Variants in EVI5 observed in about 807,000 individuals in gnomAD.
EVI5 encodes ecotropic viral integration site 5 protein homolog.
Under a neutral mutation model 112.0 loss-of-function variants are expected in EVI5, and 73 were observed. The ratio of observed to expected loss-of-function variants is 0.65; its 90% CI spans 0.54 to 0.79. EVI5 has a LOEUF of 0.79. Ranked by LOEUF, EVI5 falls within the 30% of genes least tolerant of loss-of-function variation. The pLI is 0.00. For missense variants in EVI5, 900 were observed against 968.8 expected (o/e 0.93, Z 0.94); for synonymous variants, 305 against 319.9 (o/e 0.95, Z 0.50).
chr1:92,527,915 T>C (rs1187321097), intron 19 of EVI5, among the ~76,000 whole-genome samples: 4 of 152,240 alleles, frequency 2.6e-5, no homozygotes, highest in Non-Finnish European at 5.9e-5. Context: ...TTATATATAA[T>C]GCTGCTATGA....
At chr1:92,740,642 A>G (rs1678223537) in intron 1 of EVI5, among the ~76,000 whole-genome samples, 1 of 152,108 alleles carries the variant, frequency 6.6e-6, no homozygotes. Flanking sequence ...AGATATACAT[A>G]TGTGTGTATG....
At chr1:92,533,209 T>G (rs1487687295) in intron 19 of EVI5, among the ~76,000 whole-genome samples, 1 of 152,140 alleles carries the variant, frequency 6.6e-6, no homozygotes, top group East Asian at 1.9e-4. Flanking sequence ...GATAAGTTCC[T>G]GGACACATAC....
chr1:92,679,899 T>C (rs1338743958), intron 9 of EVI5, among the ~76,000 whole-genome samples: 1 of 152,146 alleles, frequency 6.6e-6, no homozygotes, highest in Non-Finnish European at 1.5e-5. Flanking sequence ...ATACTAAGGG[T>C]ACAAACTATC....
chr1:92,662,029 G>A (rs1022506182), intron 13 of EVI5, among the ~76,000 whole-genome samples: 3 of 152,068 alleles, frequency 2.0e-5, no homozygotes, highest in African/African-American at 7.2e-5. Flanking sequence ...AATGGAAAAT[G>A]TCTAAGCTGC....
intron 12 of EVI5, among the ~76,000 whole-genome samples, chr1:92,663,148 T>C (rs1036762053): frequency 6.6e-6 from 1 of 152,186 alleles, no homozygotes; most frequent in African/African-American, 2.4e-5. Context: ...AAATTTTCAA[T>C]GAATAGTAGT....
At chr1:92,684,519 A>G (rs2102385962) in intron 9 of EVI5, among the ~76,000 whole-genome samples, 1 of 152,350 alleles carries the variant, frequency 6.6e-6, no homozygotes, top group South Asian at 2.1e-4. Context: ...ACCAGCTAAC[A>G]TCACAATGAC....
chr1:92,592,677 ACTAAT>A (rs1386480747), intron 18 of EVI5, among the ~76,000 whole-genome samples: 3 of 152,178 alleles, frequency 2.0e-5, no homozygotes, highest in Non-Finnish European at 4.4e-5. Flanking sequence ...CACTAGCAAG[ACTAAT>A]AAAGAAGAAA....
chr1:92,683,562 C>A (rs556635000), intron 9 of EVI5, among the ~76,000 whole-genome samples: 179 of 152,246 alleles, frequency 1.2e-3, no homozygotes, highest in African/African-American at 4.2e-3. Context: ...ATGAGTTTGA[C>A]GAGTTGACAG....
chr1:92,688,077 T>C (rs917436388), intron 9 of EVI5, among the ~76,000 whole-genome samples: 5 of 152,194 alleles, frequency 3.3e-5, no homozygotes, highest in Non-Finnish European at 7.4e-5. Flanking sequence ...TAAAGACACA[T>C]GCACATGTAT....
intron 1 of EVI5, among the ~76,000 whole-genome samples, chr1:92,774,502 T>C (rs542942414): frequency 1.1e-3 from 166 of 152,322 alleles, no homozygotes; most frequent in African/African-American, 3.6e-3. Flanking sequence ...CTTCCTTCTA[T>C]CTCAGTGCTT....
chr1:92,630,554 G>A (rs1028855861), intron 14 of EVI5, among the ~76,000 whole-genome samples: 1 of 151,738 alleles, frequency 6.6e-6, no homozygotes, highest in African/African-American at 2.4e-5. Context: ...GTTCATTGTA[G>A]ATTCTGGATA....
At chr1:92,586,385 T>C (rs1672782839) in intron 18 of EVI5, among the ~76,000 whole-genome samples, 2 of 152,204 alleles carry the variant, frequency 1.3e-5, no homozygotes, top group South Asian at 4.1e-4. Context: ...ATTAATTTAA[T>C]CATCATTTAA....
rs567526954 is a variant in EVI5, at chr1:92,713,014, C to G, written c.150-8270G>C. Among the ~76,000 whole-genome samples the G allele has an allele frequency of 9.2e-5, 14 of 151,618 alleles. No individual in the cohort carries two copies. In the South Asian group the frequency reaches 2.9e-3, roughly 32 times the overall value. On this transcript the variant is annotated intron_variant, in intron 2 of 19. Coordinates refer to ENST00000684568, the MANE Select transcript of EVI5 (RefSeq NM_001350197.2). ...GTCTTGAGAGGCTGGTCTCAAACTC[C>G]TGGGCTTAAGCAATCCTCCCACCTA...
chr1:92,604,455 T>A (rs1649908585), intron 18 of EVI5, among the ~76,000 whole-genome samples: 1 of 152,140 alleles, frequency 6.6e-6, no homozygotes, highest in Admixed American at 6.6e-5. Context: ...AACCTCCACA[T>A]CTTGTCCCAC....
chr1:92,633,008 T>C (rs148905073), intron 14 of EVI5, among the ~76,000 whole-genome samples: 35 of 152,312 alleles, frequency 2.3e-4, no homozygotes, highest in African/African-American at 8.4e-4. Context: ...TAATCCTGAG[T>C]TCTAGTTTGA....
At chr1:92,708,758 A>C (rs910051992) in intron 2 of EVI5, among the ~76,000 whole-genome samples, 3 of 152,206 alleles carry the variant, frequency 2.0e-5, no homozygotes, top group African/African-American at 7.2e-5. Flanking sequence ...GGTATACCCA[A>C]ACAATGGAAT....
chr1:92,534,268 A>C (rs1247182052), intron 19 of EVI5, among the ~76,000 whole-genome samples: 1 of 152,230 alleles, frequency 6.6e-6, no homozygotes, highest in East Asian at 1.9e-4. Flanking sequence ...CCACTGCTCA[A>C]GGAAATAAGA....
intron 12 of EVI5, 112 bp downstream of exon 12, chr1:92,663,308 A>G: frequency 2.0e-6 from 1 of 491,688 alleles, no homozygotes; most frequent in East Asian, 3.2e-5. Flanking sequence ...AATTATTTCT[A>G]GAAAAACGCA....
At chr1:92,674,131 G>A (rs1033559722) in intron 10 of EVI5, among the ~76,000 whole-genome samples, 9 of 152,070 alleles carry the variant, frequency 5.9e-5, no homozygotes, top group African/African-American at 1.7e-4. Flanking sequence ...CGGGAGGGAG[G>A]GAGTGTGTGT....
Sources: gnomAD v4.1 joint callset for allele counts (sites outside exome capture counted in the v4.1 genomes callset) on GRCh38, gnomAD v4.1.1 for gene constraint, MANE v1.5 for transcripts, NCBI Gene and HGNC (gene_info 2026-07-23, HGNC 2026-07-21) for gene names.